The following AAK1 variants were observed in gnomAD, a reference collection of about 807,000 sequenced individuals.
The protein encoded by AAK1 is AP2-associated protein kinase 1.
AAK1 carries 37 observed loss-of-function variants against 116.0 expected under a neutral mutation model. The observed-to-expected ratio is 0.32, with a 90% confidence interval of 0.25 to 0.42. The LOEUF is 0.42. Among genes scored for constraint, AAK1 ranks in the 10% least tolerant of loss-of-function variants. The pLI is 1.00. For synonymous variants in AAK1, 458 were observed against 439.9 expected, an observed-to-expected ratio of 1.04 and a Z score of -0.51; for missense variants, 919 against 1,170.6, an observed-to-expected ratio of 0.79 and a Z score of 3.14.
chr2:69,555,695 AT>A (rs1321477297), intron 3 of AAK1, among the ~76,000 whole-genome samples: 1 of 152,242 alleles, frequency 6.6e-6, no homozygotes, highest in African/African-American at 2.4e-5. Context: ...ACAATTTCTG[AT>A]TTTAAATAAC....
At chr2:69,577,264 T>C (rs1672351795) in intron 2 of AAK1, among the ~76,000 whole-genome samples, 1 of 152,216 alleles carries the variant, frequency 6.6e-6, no homozygotes, top group Non-Finnish European at 1.5e-5. Flanking sequence ...TCCTCCAGCA[T>C]GTTCTACTGT....
chr2:69,630,158 T>C (rs1253912163), intron 2 of AAK1, among the ~76,000 whole-genome samples: 2 of 152,156 alleles, frequency 1.3e-5, no homozygotes, highest in East Asian at 3.8e-4. Context: ...CAGGCATTCC[T>C]GGCAGGTAGA....
intron 2 of AAK1, among the ~76,000 whole-genome samples, chr2:69,580,776 T>TC (rs1672509154): frequency 6.6e-6 from 1 of 152,234 alleles, no homozygotes; most frequent in Non-Finnish European, 1.5e-5. Context: ...ATCTCAGCTC[T>TC]CCTATCTATA....
Position 69,479,154 on chromosome 2 carries a change from T to C in AAK1, c.2570-93A>G. On this transcript the variant is annotated intron_variant, in intron 19 of 21. Coordinates refer to ENST00000409085, the MANE Select transcript of AAK1 (RefSeq NM_014911.5). ...GATTAGATCTTAGCTTTTAAGTTAC[T>C]GCATTTACACGTTACACATAAAAGC... is the stretch of plus-strand genomic sequence containing the variant. 3 of 904,864 alleles carry C rather than the reference T, an allele frequency of 3.3e-6. 1 individual carries two copies. The highest frequency in any genetic ancestry group is 2.9e-5 in the South Asian group (2 of 67,874). 56.1% of individuals were successfully genotyped at this position (904,864 alleles called of 1,614,324 possible).
intron 6 of AAK1, among the ~76,000 whole-genome samples, chr2:69,531,428 A>C (rs1363609184): frequency 6.6e-6 from 1 of 152,194 alleles, no homozygotes; most frequent in Non-Finnish European, 1.5e-5. Flanking sequence ...TGTGCAGGCT[A>C]GACTGTTGAC....
At chr2:69,552,086 G>A (rs1382470651) in intron 3 of AAK1, among the ~76,000 whole-genome samples, 1 of 152,158 alleles carries the variant, frequency 6.6e-6, no homozygotes, top group Non-Finnish European at 1.5e-5. Context: ...CTATCTGACA[G>A]AAGTCTGAGA....
intron 2 of AAK1, chr2:69,597,480 A>C (rs1424933657): frequency 5.9e-6 from 1 of 169,378 alleles, no homozygotes; most frequent in African/African-American, 2.4e-5. Flanking sequence ...ACAATGTGAC[A>C]GAACATGTAA....
At chr2:69,516,932 C>A (rs1394928981) in intron 12 of AAK1, 2 of 152,168 alleles carry the variant, frequency 1.3e-5, no homozygotes, top group Non-Finnish European at 2.9e-5. Flanking sequence ...GAGGGTTGAA[C>A]CAGCGCAGAT....
chr2:69,526,460 A>G (rs948033773), intron 9 of AAK1, among the ~76,000 whole-genome samples: 2 of 152,202 alleles, frequency 1.3e-5, no homozygotes, highest in African/African-American at 4.8e-5. Flanking sequence ...AAATCACAAT[A>G]TGACATGAAA....
intron 2 of AAK1, among the ~76,000 whole-genome samples, chr2:69,575,464 ATTT>A (rs947872572): frequency 5.2e-5 from 7 of 134,390 alleles, no homozygotes; most frequent in Admixed American, 1.5e-4. Context: ...AGATAAACAA[ATTT>A]TTTTTTTTTT....
intron 2 of AAK1, among the ~76,000 whole-genome samples, chr2:69,625,661 T>C (rs1674864854): frequency 6.6e-6 from 1 of 152,120 alleles, no homozygotes; most frequent in South Asian, 2.1e-4. Context: ...GCCTCTGTGG[T>C]ATACACTCCA....
Position 69,472,916 on chromosome 2 carries a change from A to G in AAK1, c.*2953T>C. 3.0e-6 allele frequency: 3 copies of G among 985,812 alleles called. No homozygotes were observed. Among genetic ancestry groups the G allele is most frequent in the Non-Finnish European group, 3.6e-6 (3 of 829,850 alleles). 61.1% of individuals were successfully genotyped at this position (985,812 alleles called of 1,614,324 possible). A position where few individuals can be genotyped will look rare whatever the true frequency, so the allele number is the denominator to read the frequency against. Reference sequence around the variant, plus strand: ...GCTTCTATTCAGATAATCAAGAAAGAGCAAGTTAGTAAAAGCCCATTATAA... The same window carrying G: ...GCTTCTATTCAGATAATCAAGAAAGGGCAAGTTAGTAAAAGCCCATTATAA... On this transcript the variant is annotated 3_prime_UTR_variant, in exon 22 of 22. Transcript: ENST00000409085.
In AAK1 at chr2:69,465,908, G is replaced by C. The variant is rs1434292118; in HGVS notation, c.*9961C>G. On this transcript the variant is annotated 3_prime_UTR_variant, in exon 22 of 22. Coordinates refer to ENST00000409085, the MANE Select transcript of AAK1 (RefSeq NM_014911.5). ...GGGGGACATCACCTGTCTGACTGAG[G>C]AGACCGGTCTGTGCAGGCAGCTCCT... 7.7e-7 allele frequency: 1 copy of C among 1,290,860 alleles called. No individual in the cohort carries two copies. The highest frequency in any genetic ancestry group is 2.3e-5 in the Admixed American group (1 of 43,556). The allele number at this position is 1,290,860 out of a possible 1,614,324, so 80.0% of individuals were successfully genotyped here.
chr2:69,508,478 T>C (rs371197977), intron 14 of AAK1, among the ~76,000 whole-genome samples: 2 of 152,350 alleles, frequency 1.3e-5, no homozygotes, highest in East Asian at 3.9e-4. Flanking sequence ...GAAACTGCAT[T>C]TACTCAACAC....
Position 69,470,075 on chromosome 2 carries a change from G to T in AAK1, c.*5794C>A. The T allele has an allele frequency of 1.0e-6, 1 of 985,402 alleles. No individual in the cohort carries two copies. The highest frequency in any genetic ancestry group is 1.2e-6 in the Non-Finnish European group (1 of 829,922). The allele number at this position is 985,402 out of a possible 1,614,324, so 61.0% of individuals were successfully genotyped here. ...TTGACATAGTGAGGGCCATCAGAAT[G>T]CTCCCTACAGAATTAAAATCTGAAG... On this transcript the variant is annotated 3_prime_UTR_variant, in exon 22 of 22. Coordinates refer to ENST00000409085, the MANE Select transcript of AAK1 (RefSeq NM_014911.5).
intron 2 of AAK1, among the ~76,000 whole-genome samples, chr2:69,613,211 G>A (rs1674164481): frequency 6.6e-6 from 1 of 152,142 alleles, no homozygotes. Context: ...CCCAGGAAGA[G>A]GGGAAATCAC....
chr2:69,546,055 G>A (rs1473548038), intron 3 of AAK1, among the ~76,000 whole-genome samples: 1 of 152,110 alleles, frequency 6.6e-6, no homozygotes, highest in Admixed American at 6.5e-5. Flanking sequence ...TAAGTAGAAG[G>A]GTGGGATTAA....
rs917110927 is a variant in AAK1 at position 69,530,027 on chromosome 2, T to C, written c.852A>G (p.Gln284=). ...ACTTACTAATTAGGCAGTGCATGTC[T>C]TGAGAATATCGAGAATTATCAGGAA... ...FTIPDNSRYS[Q]DMHCLIRYML... The change falls in exon 8 of 22, where the codon CAA becomes CAG. Residue 284 remains glutamine (Q), a synonymous_variant. Transcript: ENST00000409085. 1 of 1,596,272 alleles carries C rather than the reference T, an allele frequency of 6.3e-7. No homozygotes were observed. Among genetic ancestry groups the C allele is most frequent in the African/African-American group, 1.3e-5 (1 of 74,554 alleles).
At chr2:69,487,511 CA>C (rs1675342637) in intron 17 of AAK1, among the ~76,000 whole-genome samples, 1 of 152,110 alleles carries the variant, frequency 6.6e-6, no homozygotes, top group Non-Finnish European at 1.5e-5. Flanking sequence ...GTCTAATGAA[CA>C]AAGACCTTTT....
Sources: allele counts gnomAD v4.1 joint callset (sites outside exome capture counted in the v4.1 genomes callset), GRCh38; gene constraint gnomAD v4.1.1; transcripts MANE v1.5; gene names NCBI Gene and HGNC (gene_info 2026-07-23, HGNC 2026-07-21).